Variants in TENM1 observed in about 807,000 individuals in gnomAD.
TENM1 encodes teneurin transmembrane protein 1.
TENM1 carries 35 observed loss-of-function variants against 174.8 expected under a neutral mutation model. That is an observed-to-expected ratio of 0.20 (90% CI 0.15 to 0.27). TENM1 has a LOEUF of 0.27. TENM1 is among the 10% of genes least tolerant of loss of function. The pLI is 1.00. For missense variants in TENM1, 1,633 were observed against 2,130.1 expected (o/e 0.77, Z 4.59); for synonymous variants, 781 against 798.7 (o/e 0.98, Z 0.37).
At chrX:124,534,064 T>A (rs1456380977) in intron 15 of TENM1, among the ~76,000 whole-genome samples, 1 of 111,938 alleles carries the variant, frequency 8.9e-6, no homozygotes, top group African/African-American at 3.2e-5. Flanking sequence ...TTTTTTCCTG[T>A]TCTCTAGAGA....
the TENM1 span, among the ~76,000 whole-genome samples, chrX:125,151,193 CT>C: frequency 8.9e-6 from 1 of 112,160 alleles, no homozygotes; most frequent in African/African-American, 3.2e-5. Flanking sequence ...AACATGATAT[CT>C]TACAAAGGAA....
At chrX:124,982,354 T>C in the TENM1 span, among the ~76,000 whole-genome samples, 2 of 109,389 alleles carry the variant, frequency 1.8e-5, no homozygotes, top group African/African-American at 6.6e-5. Flanking sequence ...AGTTCTCCTA[T>C]GCAGAATAAT....
At chrX:124,678,195 A>C (rs1382398684) in intron 5 of TENM1, among the ~76,000 whole-genome samples, 1 of 111,295 alleles carries the variant, frequency 9.0e-6, no homozygotes, top group Non-Finnish European at 1.9e-5. Flanking sequence ...TTTTTGGGCC[A>C]GAGAGCTTGT....
intron 22 of TENM1, among the ~76,000 whole-genome samples, chrX:124,463,876 TGG>T (rs1491404042): frequency 2.2e-4 from 20 of 91,668 alleles, no homozygotes; most frequent in Admixed American, 3.5e-4. Context: ...TGTGTGTGTG[TGG>T]AGAGAGAGAG....
At chrX:125,196,958 A>G in the TENM1 span, among the ~76,000 whole-genome samples, 11 of 111,434 alleles carry the variant, frequency 9.9e-5, no homozygotes, top group Admixed American at 1.1e-3. Flanking sequence ...AGGGATTGCA[A>G]TATCTAATAA....
At chrX:125,126,610 TCCA>T in the TENM1 span, among the ~76,000 whole-genome samples, 1 of 110,129 alleles carries the variant, frequency 9.1e-6, no homozygotes, top group Admixed American at 9.7e-5. Flanking sequence ...TTGTACTGCT[TCCA>T]ATTTGAAGGC....
intron 3 of TENM1, among the ~76,000 whole-genome samples, chrX:124,880,771 T>C: frequency 8.9e-6 from 1 of 112,092 alleles, no homozygotes; most frequent in Non-Finnish European, 1.9e-5. Flanking sequence ...CAAATGCTTT[T>C]CTACATCTAT....
chrX:124,544,638 T>A (rs2048391271), intron 15 of TENM1, among the ~76,000 whole-genome samples: 1 of 112,312 alleles, frequency 8.9e-6, no homozygotes, highest in Admixed American at 9.4e-5. Flanking sequence ...ACTGGATTTT[T>A]AAAATGTCAT....
chrX:124,796,198 G>A (rs1403622792), intron 3 of TENM1, among the ~76,000 whole-genome samples: 4 of 111,523 alleles, frequency 3.6e-5, no homozygotes, highest in Admixed American at 2.9e-4. Flanking sequence ...TAAATCTAAC[G>A]AAAATATGAC....
At chrX:124,545,054 T>C (rs1460543712) in intron 15 of TENM1, among the ~76,000 whole-genome samples, 2 of 112,128 alleles carry the variant, frequency 1.8e-5, no homozygotes, top group East Asian at 5.6e-4. Context: ...TGTTGATTTT[T>C]TAGAGGAAAT....
chrX:124,992,463 C>T, the TENM1 span, among the ~76,000 whole-genome samples: 2 of 111,599 alleles, frequency 1.8e-5, no homozygotes, highest in African/African-American at 6.5e-5. Context: ...GAAGACTAGT[C>T]ATAGAAACTA....
intron 3 of TENM1, among the ~76,000 whole-genome samples, chrX:124,755,514 A>T (rs1373245775): frequency 9.0e-6 from 1 of 110,643 alleles, no homozygotes; most frequent in African/African-American, 3.3e-5. Context: ...GTTATGTGTG[A>T]ATTTGATCCT....
chrX:124,923,116 C>A (rs746972438), intron 1 of TENM1, among the ~76,000 whole-genome samples: 6 of 111,847 alleles, frequency 5.4e-5, no homozygotes, highest in African/African-American at 1.3e-4. Context: ...TTTTCAAATT[C>A]TGAGAAATCT....
chrX:124,415,602 C>T (rs1025759523), intron 25 of TENM1, among the ~76,000 whole-genome samples: 1 of 111,657 alleles, frequency 9.0e-6, no homozygotes, highest in Non-Finnish European at 1.9e-5. Context: ...TTCTGGGTTT[C>T]GGTTTCTTCA....
chrX:124,597,149 T>A (rs2148270018), intron 11 of TENM1, among the ~76,000 whole-genome samples: 1 of 111,655 alleles, frequency 9.0e-6, no homozygotes, highest in East Asian at 2.8e-4. Context: ...ATCTACCATT[T>A]GATCCAGCAA....
intron 1 of TENM1, among the ~76,000 whole-genome samples, chrX:124,953,391 C>T (rs904514127): frequency 9.0e-6 from 1 of 111,456 alleles, no homozygotes; most frequent in Non-Finnish European, 1.9e-5. Context: ...CAACTGATTC[C>T]TTCTATATTT....
chrX:124,833,818 T>C (rs1360768757), intron 3 of TENM1, among the ~76,000 whole-genome samples: 4 of 111,061 alleles, frequency 3.6e-5, no homozygotes, highest in Non-Finnish European at 7.5e-5. Context: ...ATATAAGTGG[T>C]CACCAATCTC....
chrX:124,379,023 A>G (rs2060129329), exon 32 of TENM1: 1 of 112,340 alleles, frequency 8.9e-6, no homozygotes, highest in Admixed American at 9.5e-5. Context: ...GGTAACTTAC[A>G]ATTACACAGC....
At chrX:124,433,615 C>A (rs182644736) in intron 23 of TENM1, among the ~76,000 whole-genome samples, 1 of 110,905 alleles carries the variant, frequency 9.0e-6, no homozygotes, top group Admixed American at 9.7e-5. Context: ...AGCTGGCAAA[C>A]GTTTGTTGAA....
Sources: allele counts gnomAD v4.1 joint callset (sites outside exome capture counted in the v4.1 genomes callset), GRCh38; gene constraint gnomAD v4.1.1; transcripts MANE v1.5; gene names NCBI Gene and HGNC (gene_info 2026-07-23, HGNC 2026-07-21).